SGTB: variants seen among roughly 807,000 people sequenced by gnomAD.
The protein encoded by SGTB is small glutamine-rich tetratricopeptide repeat-containing protein beta.
Under a neutral mutation model 43.9 loss-of-function variants are expected in SGTB, and 19 were observed. That is an observed-to-expected ratio of 0.43 (90% confidence interval 0.30 to 0.63). The LOEUF (loss-of-function observed/expected upper bound fraction) is 0.63, where lower values mean the gene tolerates loss of function less well. Ranked by LOEUF, SGTB falls within the 30% of genes least tolerant of loss-of-function variation. The pLI is 0.12. For synonymous variants in SGTB, 116 were observed against 117.3 expected (o/e 0.99, Z 0.07); for missense variants, 304 against 358.9 (o/e 0.85, Z 1.24).
At chr5:65,708,642 C>T in intron 3 of SGTB, 84 bp from the exon 4 acceptor site, 2 of 1,050,092 alleles carry the variant, frequency 1.9e-6, no homozygotes, top group East Asian at 2.8e-5. Flanking sequence ...AATAAATTAC[C>T]CACATTTTAA....
At chr5:65,693,832 G>A (rs572133705) in intron 5 of SGTB, among the ~76,000 whole-genome samples, 2 of 152,238 alleles carry the variant, frequency 1.3e-5, no homozygotes, top group South Asian at 4.1e-4. Context: ...ATAAAAGGAA[G>A]AGGCAACACA....
At chr5:65,717,566 G>A (rs1229242872) in intron 2 of SGTB, among the ~76,000 whole-genome samples, 1 of 151,714 alleles carries the variant, frequency 6.6e-6, no homozygotes, top group Non-Finnish European at 1.5e-5. Flanking sequence ...GAGTATGTGG[G>A]TGCCATCATA....
chr5:65,714,471 G>C lies in SGTB; in HGVS notation c.101-1407C>G, dbSNP rs191358693. ...TATGGCAAAATAAGTGGTTGGTATG[G>C]CTAGGGTATACAGTGGGTGGAAAGA... is the stretch of plus-strand genomic sequence containing the variant. On this transcript the variant is annotated intron_variant, in intron 2 of 10. Coordinates refer to ENST00000381007, the MANE Select transcript of SGTB (RefSeq NM_019072.3). 9.8e-5 allele frequency among the ~76,000 whole-genome samples: 15 copies of C among 152,290 alleles called. No homozygotes were observed. In the East Asian group the frequency reaches 2.9e-3, roughly 29 times the overall value.
chr5:65,680,711 G>T lies in SGTB; in HGVS notation c.563C>A (p.Ser188Tyr). 2 of 1,614,056 alleles carry T rather than the reference G, an allele frequency of 1.2e-6. No individual in the cohort carries two copies. The highest frequency in any genetic ancestry group is 8.5e-7 in the Non-Finnish European group (1 of 1,179,986). The change falls in exon 7 of 11, where the codon TCC becomes TAC. Residue 188 changes from serine to tyrosine, a missense_variant. Physicochemically the swap from Ser to Tyr is moderately radical, Grantham distance 144 (BLOSUM62 -2). Transcript: ENST00000381007. ...TGCTATTTTCAGATTTGACTTATAG[G>T]AATCATTTTCAGGGTCAAGATCTAA... ...KALDLDPEND[S>Y]YKSNLKIAEQ...
chr5:65,668,896 C>G lies in SGTB; in HGVS notation c.*1350G>C, dbSNP rs886126297. 6.6e-6 allele frequency: 1 copy of G among 152,076 alleles called. No individual in the cohort carries two copies. Among genetic ancestry groups the G allele is most frequent in the African/African-American group, 2.4e-5 (1 of 41,390 alleles). The allele number at this position is 152,076 out of a possible 1,614,324, so 9.4% of individuals were successfully genotyped here. ...ACTCTAGCCTGGCAAAAGAGTAAGA[C>G]TCCATCTCAAAAAAACCCCACAAAA... On this transcript the variant is annotated 3_prime_UTR_variant, in exon 11 of 11. Coordinates refer to ENST00000381007, the MANE Select transcript of SGTB (RefSeq NM_019072.3).
intron 5 of SGTB, among the ~76,000 whole-genome samples, chr5:65,692,373 CT>C (rs1453025978): frequency 2.6e-5 from 4 of 152,150 alleles, no homozygotes; most frequent in African/African-American, 9.7e-5. Flanking sequence ...AACAATAGAT[CT>C]GGTGGTCATC....
Position 65,680,594 on chromosome 5 carries a change from T to C in SGTB, c.619-38A>G, listed in dbSNP as rs1255548420. 1.9e-6 allele frequency: 3 copies of C among 1,613,780 alleles called. No individual in the cohort carries two copies. The South Asian group carries it at 3.3e-5, about 18-fold the overall frequency. ...TATATCTGAGAATCAGTCCAGTATC[T>C]ACAATTACAATAAATTGTGAATGAC... On this transcript the variant is annotated intron_variant, in intron 7 of 10. Coordinates refer to ENST00000381007, the MANE Select transcript of SGTB (RefSeq NM_019072.3).
At chr5:65,699,031 G>A (rs2089483688) in intron 5 of SGTB, among the ~76,000 whole-genome samples, 1 of 151,930 alleles carries the variant, frequency 6.6e-6, no homozygotes, top group South Asian at 2.1e-4. Context: ...CCATTACTGG[G>A]TACCCACCCA....
chr5:65,720,925 T>C, intron 1 of SGTB, 96 bp from the exon 2 acceptor site: 1 of 1,319,152 alleles, frequency 7.6e-7, no homozygotes, highest in East Asian at 2.6e-5. Flanking sequence ...ATAAAGTGTA[T>C]TAAAGGTAAA....
chr5:65,708,470 T>C lies in SGTB; in HGVS notation c.274+19A>G, dbSNP rs1260663222. On this transcript the variant is annotated intron_variant, in intron 4 of 10. Transcript: ENST00000381007. ...CAGAAAGCTTTACTAAGTAAGTCAT[T>C]TTTGTATGAAATATTCACCTTCATC... 23 of 1,608,498 alleles carry C rather than the reference T, an allele frequency of 1.4e-5. No individual in the cohort carries two copies. The highest frequency in any genetic ancestry group is 1.8e-5 in the Non-Finnish European group (21 of 1,177,380).
chr5:65,718,065 G>A (rs1414759333), intron 2 of SGTB, among the ~76,000 whole-genome samples: 1 of 152,170 alleles, frequency 6.6e-6, no homozygotes, highest in African/African-American at 2.4e-5. Context: ...ATTCTAGAGG[G>A]AGTAATCTTG....
At chr5:65,688,235 A>T (rs1171693498) in intron 5 of SGTB, among the ~76,000 whole-genome samples, 3 of 152,232 alleles carry the variant, frequency 2.0e-5, no homozygotes, top group African/African-American at 7.2e-5. Flanking sequence ...TCTTGTCCAG[A>T]AACGGAGCAT....
Position 65,720,916 on chromosome 5 carries a change from TAA to T in SGTB, c.-22-89_-22-88del, listed in dbSNP as rs1432103396. 2.2e-6 allele frequency: 3 copies of T among 1,342,378 alleles called. No individual in the cohort carries two copies. In the African/African-American group the frequency reaches 4.4e-5, roughly 20 times the overall value. The allele number at this position is 1,342,378 out of a possible 1,614,324, so 83.2% of individuals were successfully genotyped here. A position where few individuals can be genotyped will look rare whatever the true frequency, so the allele number is the denominator to read the frequency against. On this transcript the variant is annotated intron_variant, in intron 1 of 10. Transcript: ENST00000381007. ...TAAATTACAAAGATGATATGGGTTA[TAA>T]AGTGTATTAAAGGTAAAAACAAAAC...
At chr5:65,700,419 A>G (rs1213023693) in intron 5 of SGTB, among the ~76,000 whole-genome samples, 1 of 152,198 alleles carries the variant, frequency 6.6e-6, no homozygotes, top group Non-Finnish European at 1.5e-5. Flanking sequence ...CTGTAATCCC[A>G]GCACTTTGGG....
intron 8 of SGTB, among the ~76,000 whole-genome samples, chr5:65,678,466 T>A (rs1016141606): frequency 1.1e-4 from 16 of 152,166 alleles, no homozygotes; most frequent in Admixed American, 1.0e-3. Flanking sequence ...AAACTACCAT[T>A]GACATTCTTC....
At chr5:65,716,936 G>A (rs185993286) in intron 2 of SGTB, among the ~76,000 whole-genome samples, 36 of 152,046 alleles carry the variant, frequency 2.4e-4, no homozygotes, top group African/African-American at 8.4e-4. Context: ...ACCAGGTCAG[G>A]GAAAAGAAGA....
chr5:65,708,501 A>G lies in SGTB; in HGVS notation c.262T>C (p.Leu88=), dbSNP rs148051517. ...ATGAAATATTCACCTTCATCTTTTA[A>G]TTGGTCAGCTTTTCCCACATCTTCA... is the stretch of plus-strand genomic sequence containing the variant. The part of the protein sequence containing the change: ...VPEDVGKADQ[L]KDEGNNHMKE... The change falls in exon 4 of 11, where the codon TTA becomes CTA. Residue 88 remains leucine, a synonymous_variant. Coordinates refer to ENST00000381007, the MANE Select transcript of SGTB (RefSeq NM_019072.3). 2,842 of 1,612,736 alleles carry G rather than the reference A, an allele frequency of 1.8e-3. 4 individuals carry two copies. Among genetic ancestry groups the G allele is most frequent in the Non-Finnish European group, 2.2e-3 (2,602 of 1,179,608 alleles).
chr5:65,682,601 G>A (rs758518917), intron 6 of SGTB, among the ~76,000 whole-genome samples: 1 of 152,300 alleles, frequency 6.6e-6, no homozygotes, highest in Non-Finnish European at 1.5e-5. Flanking sequence ...TATGTCAGGC[G>A]TAATAACAAT....
intron 5 of SGTB, among the ~76,000 whole-genome samples, chr5:65,701,776 G>C (rs1001477595): frequency 1.1e-4 from 17 of 152,002 alleles, no homozygotes; most frequent in East Asian, 9.7e-4. Context: ...GGGACTACAG[G>C]CGCCTGCCAC....
Sources: allele counts gnomAD v4.1 joint callset (sites outside exome capture counted in the v4.1 genomes callset), GRCh38; gene constraint gnomAD v4.1.1; transcripts MANE v1.5; gene names NCBI Gene and HGNC (gene_info 2026-07-23, HGNC 2026-07-21).